The following MIB1 variants were observed in gnomAD, a reference collection of about 807,000 sequenced individuals.
MIB1 encodes the protein MIB E3 ubiquitin protein ligase 1, also known as E3 ubiquitin-protein ligase MIB1.
A neutral mutation model predicts 124.5 loss-of-function variants in MIB1; 278 were observed. That is an observed-to-expected ratio of 2.23 (90% CI 2.02 to 2.47). The LOEUF is 2.47. Among genes scored for constraint, MIB1 ranks in the 30% most tolerant of loss-of-function variants. MIB1 has a pLI of 0.00. For synonymous variants in MIB1, 446 were observed against 429.4 expected (o/e 1.04, Z -0.48); for missense variants, 957 against 1,254.4 (o/e 0.76, Z 3.58).
chr18:21,743,334 A>G (rs2040877029), intron 1 of MIB1, among the ~76,000 whole-genome samples: 1 of 152,144 alleles, frequency 6.6e-6, no homozygotes, highest in Non-Finnish European at 1.5e-5. Flanking sequence ...TGATTGTTCC[A>G]TTGTTTCATG....
chr18:21,726,391 GA>G (rs199791656), intron 1 of MIB1, among the ~76,000 whole-genome samples: 10 of 150,450 alleles, frequency 6.6e-5, no homozygotes, highest in Admixed American at 6.0e-4. Flanking sequence ...CATCTCTATT[GA>G]AAAAAAAATG....
intron 12 of MIB1, among the ~76,000 whole-genome samples, chr18:21,834,680 C>CT (rs1340136559): frequency 6.6e-6 from 1 of 152,138 alleles, no homozygotes; most frequent in East Asian, 1.9e-4. Flanking sequence ...GAGGAATAGT[C>CT]TACACAATAT....
Position 21,779,686 on chromosome 18 carries a change from G to C in MIB1, c.908+1G>C, listed in dbSNP as rs748866731. The C allele has an allele frequency of 6.2e-7, 1 of 1,609,996 alleles. No individual in the cohort carries two copies. The highest frequency in any genetic ancestry group is 8.5e-7 in the Non-Finnish European group (1 of 1,176,304). On this transcript the variant is annotated splice_donor_variant, in intron 6 of 20. Coordinates refer to ENST00000261537, the MANE Select transcript of MIB1 (RefSeq NM_020774.4). LOFTEE classifies it high-confidence loss of function. ...TAGTACAGTATCCAAGTGGCAATAG[G>C]TGGGTGATATCTCTCAATTTTTGAC...
At chr18:21,783,151 C>T (rs1030122095) in intron 6 of MIB1, among the ~76,000 whole-genome samples, 1 of 151,746 alleles carries the variant, frequency 6.6e-6, no homozygotes, top group Non-Finnish European at 1.5e-5. Flanking sequence ...TTTCAGTCTG[C>T]ATGTGTCTTT....
Position 21,791,475 on chromosome 18 carries a change from AT to A in MIB1, c.1011del (p.Val339TyrfsTer28), listed in dbSNP as rs759349045. On this transcript the variant is annotated frameshift_variant, in exon 7 of 21. Transcript: ENST00000261537. LOFTEE classifies it high-confidence loss of function. ...GGCACCTCGCAGTTTCAAGTGGGTG[AT>A]CTTGTACAAGTTTGTTATGACCTGG... ...EGGTSQFQVG[D>X]LVQVCYDLER... 1 of 1,614,114 alleles carries A rather than the reference AT, an allele frequency of 6.2e-7. No individual in the cohort carries two copies. Among genetic ancestry groups the A allele is most frequent in the South Asian group, 1.1e-5 (1 of 91,082 alleles).
upstream of MIB1, among the ~76,000 whole-genome samples, chr18:21,738,094 G>A (rs75079611): frequency 1.3e-4 from 20 of 152,054 alleles, no homozygotes; most frequent in South Asian, 1.2e-3. Context: ...GCACCACATC[G>A]CACTTATTCT....
intron 18 of MIB1, among the ~76,000 whole-genome samples, chr18:21,856,918 T>C (rs765450465): frequency 1.3e-5 from 2 of 152,222 alleles, no homozygotes; most frequent in African/African-American, 2.4e-5. Context: ...TGTCATTGTT[T>C]TCATAATGAT....
upstream of MIB1, among the ~76,000 whole-genome samples, chr18:21,737,059 T>TA (rs761756285): frequency 6.6e-6 from 1 of 152,014 alleles, no homozygotes; most frequent in Admixed American, 6.6e-5. Flanking sequence ...CTAAGACACA[T>TA]AATCATCAGA....
intron 17 of MIB1, among the ~76,000 whole-genome samples, chr18:21,850,507 T>G (rs2042171373): frequency 6.6e-6 from 1 of 152,230 alleles, no homozygotes; most frequent in African/African-American, 2.4e-5. Flanking sequence ...TTGCCCCTGC[T>G]TCTTCTACTT....
rs181291288 is a variant in MIB1, at chr18:21,743,268, A to T, written c.229+1456A>T. Among the ~76,000 whole-genome samples, 170 of 152,322 alleles carry T rather than the reference A, an allele frequency of 1.1e-3. 1 individual carries two copies. Among genetic ancestry groups the T allele is most frequent in the Non-Finnish European group, 2.1e-3 (143 of 68,028 alleles). ...TCTAATCCCCTTTTAAGTGCAAATG[A>T]TAATAAACTATATTCACTCCTCTGC... On this transcript the variant is annotated intron_variant, in intron 1 of 20. Coordinates refer to ENST00000261537, the MANE Select transcript of MIB1 (RefSeq NM_020774.4).
chr18:21,864,666 A>C lies in MIB1; in HGVS notation c.3021A>C (p.Ter1007TyrextTer10), dbSNP rs1450643077. The change falls in exon 21 of 21, where the codon TAA becomes TAC. Residue 1007 changes from the stop codon to tyrosine (Y), a stop_lost. Coordinates refer to ENST00000261537, the MANE Select transcript of MIB1 (RefSeq NM_020774.4). ...TTGAACGAAGGATTCTTTTGTATTA[A>C]CTAAGACACATGGTGTATTTTGTTA... Reference protein sequence around the residue: ...KAIERRILLY* With the variant: ...KAIERRILLYY 1 of 1,611,622 alleles carries C rather than the reference A, an allele frequency of 6.2e-7. No individual in the cohort carries two copies. The highest frequency in any genetic ancestry group is 8.5e-7 in the Non-Finnish European group (1 of 1,178,164).
At chr18:21,835,503 C>A (rs1293965151) in intron 12 of MIB1, among the ~76,000 whole-genome samples, 1 of 152,038 alleles carries the variant, frequency 6.6e-6, no homozygotes, top group South Asian at 2.1e-4. Context: ...TGCGGTGGCT[C>A]ACGCCTGTAA....
At chr18:21,799,225 A>T (rs1040513583) in intron 8 of MIB1, among the ~76,000 whole-genome samples, 6 of 152,048 alleles carry the variant, frequency 3.9e-5, no homozygotes, top group African/African-American at 1.4e-4. Flanking sequence ...GTATTGATTG[A>T]TACTATTTAG....
At chr18:21,805,771 A>T (rs1329134689) in intron 10 of MIB1, among the ~76,000 whole-genome samples, 1 of 152,072 alleles carries the variant, frequency 6.6e-6, no homozygotes, top group Non-Finnish European at 1.5e-5. Flanking sequence ...ACCTGGCAGC[A>T]TGGGATTATT....
chr18:21,774,368 C>G (rs2041256591), intron 4 of MIB1, among the ~76,000 whole-genome samples: 1 of 152,174 alleles, frequency 6.6e-6, no homozygotes, highest in South Asian at 2.1e-4. Flanking sequence ...GTGGGTGGAT[C>G]ACTTGAAGTC....
At chr18:21,784,945 G>A (rs2041417184) in intron 6 of MIB1, among the ~76,000 whole-genome samples, 1 of 152,180 alleles carries the variant, frequency 6.6e-6, no homozygotes, top group Admixed American at 6.5e-5. Context: ...TGCTTCAGTG[G>A]TCACGTTCCT....
At position 21,713,754 on chromosome 18, in the gene MIB1, C is replaced by CTTT. The variant is rs79864353; in HGVS notation, n.167+8644_167+8646dup. On this transcript the variant is annotated intron_variant and non_coding_transcript_variant, in intron 1 of 20. Coordinates refer to the MIB1 transcript ENST00000578646. Reference sequence around the variant, plus strand: ...GAGTTACCATGCCTGCACCCCTCTCCTTTTTTTTTTTTTTTGTATTTTTAG... The same window carrying CTTT: ...GAGTTACCATGCCTGCACCCCTCTCCTTTTTTTTTTTTTTTTTTGTATTTTTAG... Among the ~76,000 whole-genome samples, 49 of 138,292 alleles carry CTTT rather than the reference C, an allele frequency of 3.5e-4. 1 individual carries two copies. Among genetic ancestry groups the CTTT allele is most frequent in the African/African-American group, 1.1e-3 (41 of 37,416 alleles). The allele number at this position is 138,292 out of a possible 152,430, so 90.7% of individuals were successfully genotyped here.
At chr18:21,787,431 G>A (rs2041448774) in intron 6 of MIB1, among the ~76,000 whole-genome samples, 1 of 152,190 alleles carries the variant, frequency 6.6e-6, no homozygotes, top group African/African-American at 2.4e-5. Flanking sequence ...CTCTTTGACT[G>A]TAGCTACCCT....
chr18:21,833,819 TG>T (rs2042003984), intron 12 of MIB1, among the ~76,000 whole-genome samples: 1 of 152,244 alleles, frequency 6.6e-6, no homozygotes, highest in Admixed American at 6.5e-5. Context: ...TTAGTTGTTC[TG>T]GAACTTAATG....
Sources: allele counts gnomAD v4.1 joint callset (sites outside exome capture counted in the v4.1 genomes callset), GRCh38; gene constraint gnomAD v4.1.1; transcripts MANE v1.5; gene names NCBI Gene and HGNC (gene_info 2026-07-23, HGNC 2026-07-21).